The following ADAMTS9 variants were observed in gnomAD, a reference collection of about 807,000 sequenced individuals.
ADAMTS9 encodes ADAM metallopeptidase with thrombospondin type 1 motif 9.
A neutral mutation model predicts 257.1 loss-of-function variants in ADAMTS9; 107 were observed. That is an observed-to-expected ratio of 0.42 (90% CI 0.36 to 0.49). ADAMTS9 has a LOEUF of 0.49. Among genes scored for constraint, ADAMTS9 ranks in the 20% least tolerant of loss-of-function variants. The pLI is 0.03. For synonymous variants in ADAMTS9, 982 were observed against 880.9 expected (o/e 1.11, Z -2.03); for missense variants, 2,353 against 2,469.1 (o/e 0.95, Z 1.00).
At chr3:64,655,081 A>T (rs538457471) in intron 6 of ADAMTS9, among the ~76,000 whole-genome samples, 1 of 152,364 alleles carries the variant, frequency 6.6e-6, no homozygotes, top group Admixed American at 6.5e-5. Context: ...AGTAGCTACC[A>T]TAGAAAACTT....
intron 4 of ADAMTS9, among the ~76,000 whole-genome samples, chr3:64,657,110 CAT>C (rs1701094725): frequency 6.6e-6 from 1 of 152,070 alleles, no homozygotes; most frequent in Non-Finnish European, 1.5e-5. Context: ...TATATGCGAA[CAT>C]GTTTGCATAA....
At chr3:64,610,700 G>A (rs1320696966) in intron 22 of ADAMTS9, among the ~76,000 whole-genome samples, 1 of 152,028 alleles carries the variant, frequency 6.6e-6, no homozygotes, top group African/African-American at 2.4e-5. Flanking sequence ...GCGAGGATGT[G>A]GAGAGAATGG....
chr3:64,602,317 C>T, intron 25 of ADAMTS9, 104 bp from the exon 26 acceptor site: 1 of 1,387,254 alleles, frequency 7.2e-7, no homozygotes, highest in Non-Finnish European at 9.9e-7. Context: ...TCCCAAATTG[C>T]TCAGGCCAAA....
Position 64,621,187 on chromosome 3 carries a change from A to T in ADAMTS9, c.2740T>A (p.Ser914Thr). The change falls in exon 19 of 40, where the codon TCT becomes ACT. Residue 914 changes from serine to threonine, a missense_variant. By Grantham distance (58) the Ser-to-Thr change is moderately conservative. Transcript: ENST00000498707. ...CTRESDQLTVSDQRCDRLPQP... is the reference protein window; with the variant it reads ...CTRESDQLTVTDQRCDRLPQP... ...GGCAGCCGATCGCATCTTTGATCAG[A>T]AACAGTAAGCTGATCAGATTCCCTG... is the stretch of plus-strand genomic sequence containing the variant. 1 of 1,613,946 alleles carries T rather than the reference A, an allele frequency of 6.2e-7. No individual in the cohort carries two copies.
Position 64,622,304 on chromosome 3 carries a change from G to A in ADAMTS9, c.2580C>T (p.Tyr860=), listed in dbSNP as rs1700128755. Residue 860 remains tyrosine (Y), a synonymous_variant, in exon 18 of 40, where the codon TAC becomes TAT. Coordinates refer to ENST00000498707, the MANE Select transcript of ADAMTS9 (RefSeq NM_182920.2). ...LLQVLSVGKL[Y]NPDVRYSFNI... ...TGAAAGAATAGCGTACATCGGGGTT[G>A]TACAACTTTCCCACCGACAAAACCT... 1 of 1,613,796 alleles carries A rather than the reference G, an allele frequency of 6.2e-7. No homozygotes were observed. The highest frequency in any genetic ancestry group is 1.3e-5 in the African/African-American group (1 of 74,946).
At chr3:64,632,467 C>A (rs540987764) in intron 14 of ADAMTS9, among the ~76,000 whole-genome samples, 66 of 152,244 alleles carry the variant, frequency 4.3e-4, no homozygotes, top group Non-Finnish European at 8.1e-4. Context: ...AAATCCCATA[C>A]GTTTAAATAT....
At chr3:64,556,957 C>T (rs1356088758) in intron 30 of ADAMTS9, among the ~76,000 whole-genome samples, 1 of 152,108 alleles carries the variant, frequency 6.6e-6, no homozygotes, top group Non-Finnish European at 1.5e-5. Flanking sequence ...GGTGAACAAG[C>T]TTCCTGACCT....
intron 37 of ADAMTS9, 85 bp downstream of exon 37, chr3:64,539,118 T>C (rs1368378102): frequency 1.5e-6 from 2 of 1,371,212 alleles, no homozygotes; most frequent in East Asian, 2.3e-5. Context: ...TCTAATCACA[T>C]TCCCAGGAAC....
rs755480110 is a variant in ADAMTS9 at position 64,517,416 on chromosome 3, G to GTTTTTTTTTTTTTTTTTTTT, written c.*6-315_*6-296dup. Among the ~76,000 whole-genome samples the GTTTTTTTTTTTTTTTTTTTT allele has an allele frequency of 9.9e-3, 520 of 52,662 alleles. 176 individuals are homozygous for GTTTTTTTTTTTTTTTTTTTT. Among genetic ancestry groups the GTTTTTTTTTTTTTTTTTTTT allele is most frequent in the Middle Eastern group, 0.031 (1 of 32 alleles). The allele number at this position is 52,662 out of a possible 152,430, so 34.5% of individuals were successfully genotyped here. A position where few individuals can be genotyped will look rare whatever the true frequency, so the allele number is the denominator to read the frequency against. On this transcript the variant is annotated intron_variant, in intron 39 of 39. Transcript: ENST00000498707. ...CATCAAGCCCAGCTAATTAAAAATG[G>GTTTTTTTTTTTTTTTTTTTT]TTTTTTTTTTTTTTTTTTTTTTTGC...
chr3:64,518,943 A>G (rs1433778946), intron 39 of ADAMTS9, among the ~76,000 whole-genome samples: 1 of 151,784 alleles, frequency 6.6e-6, no homozygotes, highest in East Asian at 1.9e-4. Context: ...ACACCCAGCT[A>G]AATTTTGAAT....
In ADAMTS9 at chr3:64,602,040, G is replaced by A. The variant is rs1050688888; in HGVS notation, c.3921C>T (p.His1307=). The change falls in exon 26 of 40, where the codon CAC becomes CAT. Residue 1307 remains histidine, a synonymous_variant. Coordinates refer to ENST00000498707, the MANE Select transcript of ADAMTS9 (RefSeq NM_182920.2). ...GACGATAGTCCTCATTTTGGAAGGG[G>A]TGCTGAGCTAAGCCACTGTCTGGGG... ...QRTPDSGLAQ[H]PFQNEDYRPR... is the part of the protein sequence containing the mutation. 1.9e-6 allele frequency: 3 copies of A among 1,613,938 alleles called. No homozygotes were observed. Among genetic ancestry groups the A allele is most frequent in the Non-Finnish European group, 2.5e-6 (3 of 1,179,992 alleles).
Position 64,686,173 on chromosome 3 carries a change from A to T in ADAMTS9, c.516+395T>A, listed in dbSNP as rs961438307. On this transcript the variant is annotated intron_variant, in intron 2 of 39. Coordinates refer to ENST00000498707, the MANE Select transcript of ADAMTS9 (RefSeq NM_182920.2). This position sits in a 1 kb window ranked among gnomAD's most constrained non-coding sequence, Gnocchi z 4.6. ...CACATCCCCGATGCAAGGCGCACCAATAAGGAGTCTGGTCCGCCCTGCGCT... is the reference window on the plus strand; with the variant it reads ...CACATCCCCGATGCAAGGCGCACCATTAAGGAGTCTGGTCCGCCCTGCGCT... Among the ~76,000 whole-genome samples the T allele has an allele frequency of 6.6e-6, 1 of 152,214 alleles. No homozygotes were observed. The highest frequency in any genetic ancestry group is 1.9e-4 in the East Asian group (1 of 5,186).
rs1044968518 is a variant in ADAMTS9 at position 64,547,599 on chromosome 3, G to A, written c.4870-647C>T. Among the ~76,000 whole-genome samples, 6 of 139,568 alleles carry A rather than the reference G, an allele frequency of 4.3e-5. 1 individual carries two copies. The highest frequency in any genetic ancestry group is 3.1e-4 in the Admixed American group (4 of 12,884). The allele number at this position is 139,568 out of a possible 152,430, so 91.6% of individuals were successfully genotyped here. On this transcript the variant is annotated intron_variant, in intron 31 of 39. Coordinates refer to ENST00000498707, the MANE Select transcript of ADAMTS9 (RefSeq NM_182920.2). The stretch of plus-strand genomic sequence containing the variant: ...ATGATCTCCGCTCAATGAAACCTCC[G>A]TCTCCCAGGTTCAAGTGATTCTCAT...
chr3:64,684,811 G>A (rs1422637175), intron 2 of ADAMTS9: 1 of 152,126 alleles, frequency 6.6e-6, no homozygotes, highest in African/African-American at 2.4e-5. Context: ...CAACTGCTGG[G>A]GCCACTAGGC....
chr3:64,549,124 A>G (rs757999371), intron 31 of ADAMTS9, among the ~76,000 whole-genome samples: 3 of 152,266 alleles, frequency 2.0e-5, no homozygotes, highest in South Asian at 2.1e-4. Flanking sequence ...CTCTCCCCTC[A>G]TTGCAGGTTT....
rs756007283 is a variant in ADAMTS9 at position 64,622,473 on chromosome 3, C to G, written c.2503G>C (p.Ala835Pro). 1 of 1,614,080 alleles carries G rather than the reference C, an allele frequency of 6.2e-7. No homozygotes were observed. The highest frequency in any genetic ancestry group is 1.1e-5 in the South Asian group (1 of 91,084). ...AVVEYSGSET[A>P]VERINSTDRI... ...TCTGTTGAGTTAATTCTTTCTACGG[C>G]AGTCTCGGACCCACTGTACTCTACC... Residue 835 changes from alanine to proline, a missense_variant, in exon 17 of 40, where the codon GCC becomes CCC. Around this residue, in one of 3 missense-constraint regions of ADAMTS9, gnomAD observed 1,402 missense variants for 1,441.4 expected, o/e 0.97. Coordinates refer to ENST00000498707, the MANE Select transcript of ADAMTS9 (RefSeq NM_182920.2).
Position 64,681,314 on chromosome 3 carries a change from T to C in ADAMTS9, c.566A>G (p.Gln189Arg). Residue 189 changes from glutamine (Q) to arginine (R), a missense_variant, in exon 3 of 40, where the codon CAG (glutamine) becomes CGG (arginine). Gln to Arg is a conservative substitution (Grantham distance 43, BLOSUM62 1). This residue lies in a region of ADAMTS9 where 591 missense variants were observed against 569.6 expected (regional missense o/e 1.04). Coordinates refer to ENST00000498707, the MANE Select transcript of ADAMTS9 (RefSeq NM_182920.2). ...TTCATCTTCTTGTTCATCCATAGAC[T>C]GTAGTGGTTCAATAAAATAATCCCC... Reference protein sequence around the residue: ...HDGDYFIEPLQSMDEQEDEEE... With the variant: ...HDGDYFIEPLRSMDEQEDEEE... 1.2e-6 allele frequency: 2 copies of C among 1,613,792 alleles called. No homozygotes were observed. The highest frequency in any genetic ancestry group is 1.7e-6 in the Non-Finnish European group (2 of 1,179,824).
chr3:64,676,973 G>C (rs1031422647), intron 3 of ADAMTS9, among the ~76,000 whole-genome samples: 2 of 152,172 alleles, frequency 1.3e-5, no homozygotes, highest in African/African-American at 4.8e-5. Flanking sequence ...AGGAAGCACT[G>C]ATAAGAACCA....
At chr3:64,662,109 T>C (rs1402707010) in intron 3 of ADAMTS9, among the ~76,000 whole-genome samples, 1 of 152,072 alleles carries the variant, frequency 6.6e-6, no homozygotes, top group Non-Finnish European at 1.5e-5. Flanking sequence ...CATGTTTTGG[T>C]ATGTTGAGTC....
Sources: allele counts gnomAD v4.1 joint callset (sites outside exome capture counted in the v4.1 genomes callset), GRCh38; gene constraint gnomAD v4.1.1; regional missense constraint gnomAD v4.1.1; non-coding constraint Gnocchi (gnomAD v3.1); transcripts MANE v1.5; gene names NCBI Gene and HGNC (gene_info 2026-07-23, HGNC 2026-07-21).